The following KDM5B variants were observed in gnomAD, a reference collection of about 807,000 sequenced individuals.
KDM5B encodes lysine demethylase 5B, also known as lysine-specific demethylase 5B.
A neutral mutation model predicts 193.4 loss-of-function variants in KDM5B; 144 were observed. That is an observed-to-expected ratio of 0.74 (90% CI 0.65 to 0.86). The LOEUF is 0.86. Ranked by LOEUF, KDM5B falls within the 40% of genes least tolerant of loss-of-function variation. KDM5B has a pLI of 0.00. For missense variants in KDM5B, 1,833 were observed against 1,886.9 expected (o/e 0.97, Z 0.53); for synonymous variants, 668 against 682.6 (o/e 0.98, Z 0.33).
chr1:202,777,143 A>C, intron 1 of KDM5B, 49 bp from the exon 2 acceptor site: 1 of 1,411,734 alleles, frequency 7.1e-7, no homozygotes, highest in Non-Finnish European at 1.0e-6. Flanking sequence ...AGCATTTGAC[A>C]TTCAAAAATT....
chr1:202,742,303 A>G (rs1655375447), intron 18 of KDM5B, 88 bp downstream of exon 18: 4 of 877,922 alleles, frequency 4.6e-6, no homozygotes, highest in African/African-American at 1.7e-5. Context: ...ATTAATCATC[A>G]AAGAAGATTA....
At chr1:202,754,930 C>T (rs940240390) in intron 11 of KDM5B, among the ~76,000 whole-genome samples, 1 of 152,190 alleles carries the variant, frequency 6.6e-6, no homozygotes, top group Non-Finnish European at 1.5e-5. Flanking sequence ...GGTGATCCGC[C>T]CATCTTGGCC....
chr1:202,731,772 G>A (rs1286835552), intron 24 of KDM5B, 56 bp downstream of exon 24: 1 of 1,210,662 alleles, frequency 8.3e-7, no homozygotes, highest in African/African-American at 1.5e-5. Context: ...TAAAAACCTA[G>A]TAATACAAGA....
In KDM5B at chr1:202,733,849, T is replaced by G. The variant is rs1386663916; in HGVS notation, c.3461A>C (p.Glu1154Ala). 33 of 1,613,434 alleles carry G rather than the reference T, an allele frequency of 2.0e-5. No homozygotes were observed. Among genetic ancestry groups the G allele is most frequent in the Non-Finnish European group, 2.8e-5 (33 of 1,179,640 alleles). ...TLGEARLREMEALQSLRLANE... is the reference protein window; with the variant it reads ...TLGEARLREMAALQSLRLANE... ...GGCGAGTCTGAGAGACTGCAAGGCT[T>G]CCATTTCCCTTAGGCGAGCTTCCCC... Residue 1154 changes from glutamate to alanine, a missense_variant, in exon 23 of 27, where the codon GAA becomes GCA. Physicochemically the swap from Glu to Ala is moderately radical, Grantham distance 107 (BLOSUM62 -1). Transcript: ENST00000367265.
intron 2 of KDM5B, among the ~76,000 whole-genome samples, chr1:202,775,017 G>C (rs751205655): frequency 6.6e-6 from 1 of 151,738 alleles, no homozygotes; most frequent in Admixed American, 6.6e-5. Context: ...TGAGGCGAGC[G>C]AATCACAAGG....
At chr1:202,805,725 A>G (rs1216081359) in intron 1 of KDM5B, among the ~76,000 whole-genome samples, 2 of 152,218 alleles carry the variant, frequency 1.3e-5, no homozygotes, top group East Asian at 3.9e-4. Context: ...CCCAAAAACA[A>G]AACAGTTTCT....
chr1:202,777,224 G>T, intron 1 of KDM5B, 130 bp from the exon 2 acceptor site: 1 of 657,396 alleles, frequency 1.5e-6, no homozygotes, highest in Non-Finnish European at 2.6e-6. Flanking sequence ...ACACAGAGTA[G>T]TGGTTTCTCA....
intron 1 of KDM5B, among the ~76,000 whole-genome samples, chr1:202,789,666 G>A (rs1305474908): frequency 6.6e-6 from 1 of 150,816 alleles, no homozygotes; most frequent in Non-Finnish European, 1.5e-5. Flanking sequence ...GCACCATGGC[G>A]GGACCCTATA....
At position 202,774,612 on chromosome 1, in the gene KDM5B, C is replaced by G. The variant is rs1437011943; in HGVS notation, c.405+1G>C. 1.2e-6 allele frequency: 2 copies of G among 1,608,060 alleles called. No individual in the cohort carries two copies. Among genetic ancestry groups the G allele is most frequent in the African/African-American group, 2.7e-5 (2 of 74,736 alleles). ...AAGTAAGATGGTCATTAGCTCTTTA[C>G]CTTATTAAGCTGAAATAAGTCCAAG... On this transcript the variant is annotated splice_donor_variant, in intron 3 of 26. Transcript: ENST00000367265. LOFTEE classifies it high-confidence loss of function.
rs1395633386 is a variant in KDM5B at position 202,808,197 on chromosome 1, G to T, written c.109C>A (p.Pro37Thr). 2 of 1,613,112 alleles carry T rather than the reference G, an allele frequency of 1.2e-6. No individual in the cohort carries two copies. The highest frequency in any genetic ancestry group is 1.7e-5 in the Admixed American group (1 of 60,006). ...LPPPECPVFE[P>T]SWEEFADPFA... Reference sequence around the variant, plus strand: ...GGGTCCGCGAACTCTTCCCAGCTGGGTTCGAAGACCGGGCACTCGGGTGGA... The same window carrying T: ...GGGTCCGCGAACTCTTCCCAGCTGGTTTCGAAGACCGGGCACTCGGGTGGA... The change falls in exon 1 of 27, where the codon CCC becomes ACC. Residue 37 changes from proline to threonine, a missense_variant. Transcript: ENST00000367265.
Position 202,774,737 on chromosome 1 carries a change from TA to T in KDM5B, c.283-3del. ...ATTCAATTTTACACGAGTTTGGGCC[TA>T]AAAGACAAAGAATTGAGTTTTCATC... is the stretch of plus-strand genomic sequence containing the variant. On this transcript the variant is annotated splice_polypyrimidine_tract_variant and splice_region_variant and intron_variant, in intron 2 of 26. Coordinates refer to ENST00000367265, the MANE Select transcript of KDM5B (RefSeq NM_006618.5). 1 of 1,612,002 alleles carries T rather than the reference TA, an allele frequency of 6.2e-7. No individual in the cohort carries two copies. Among genetic ancestry groups the T allele is most frequent in the Non-Finnish European group, 8.5e-7 (1 of 1,178,822 alleles).
intron 12 of KDM5B, among the ~76,000 whole-genome samples, chr1:202,751,367 A>G (rs549783692): frequency 8.5e-5 from 13 of 152,182 alleles, no homozygotes; most frequent in Non-Finnish European, 1.8e-4. Context: ...CAAAAGCATC[A>G]ACATCCACTA....
chr1:202,776,278 C>T (rs1466799580), intron 2 of KDM5B: 2 of 151,972 alleles, frequency 1.3e-5, no homozygotes, highest in Non-Finnish European at 2.9e-5. Flanking sequence ...TTAATTCAGC[C>T]CCTACCACGT....
At position 202,760,445 on chromosome 1, in the gene KDM5B, T is replaced by A; in HGVS notation, c.1047A>T (p.Gly349=). The change falls in exon 8 of 27, where the codon GGA becomes GGT. Residue 349 remains glycine (G), a synonymous_variant. Coordinates refer to ENST00000367265, the MANE Select transcript of KDM5B (RefSeq NM_006618.5). ...LIPPLHDVPK[G]DWRCPKCLAQ... is the part of the protein sequence containing the mutation. ...CCAAACACTTAGGACACCTCCAGTC[T>A]CCCTTGGGAACATCATGGAGAGGTG... 6.2e-7 allele frequency: 1 copy of A among 1,608,840 alleles called. No individual in the cohort carries two copies. Among genetic ancestry groups the A allele is most frequent in the Non-Finnish European group, 8.5e-7 (1 of 1,177,716 alleles).
Position 202,808,358 on chromosome 1 carries a change from C to T in KDM5B, c.-53G>A. The T allele has an allele frequency of 1.4e-6, 2 of 1,473,256 alleles. No individual in the cohort carries two copies. The highest frequency in any genetic ancestry group is 1.8e-6 in the Non-Finnish European group (2 of 1,108,908). The allele number at this position is 1,473,256 out of a possible 1,614,324, so 91.3% of individuals were successfully genotyped here. A position where few individuals can be genotyped will look rare whatever the true frequency, so the allele number is the denominator to read the frequency against. ...AAGGTGGGCTCCGGGACCGAGGCTG[C>T]GAGCTCCGCTCGGTCCGAGACCCGT... On this transcript the variant is annotated 5_prime_UTR_variant, in exon 1 of 27. Coordinates refer to ENST00000367265, the MANE Select transcript of KDM5B (RefSeq NM_006618.5).
At chr1:202,752,600 G>C (rs1407675195) in intron 12 of KDM5B, among the ~76,000 whole-genome samples, 2 of 152,166 alleles carry the variant, frequency 1.3e-5, no homozygotes, top group African/African-American at 4.8e-5. Flanking sequence ...TAAAATACAA[G>C]CTCAAGACCT....
At chr1:202,800,661 G>C (rs182204938) in intron 1 of KDM5B, among the ~76,000 whole-genome samples, 20 of 152,238 alleles carry the variant, frequency 1.3e-4, no homozygotes, top group Admixed American at 1.3e-3. Context: ...TCTGTTTCTT[G>C]GTTACTACTG....
At chr1:202,784,819 A>G (rs2102318482) in intron 1 of KDM5B, among the ~76,000 whole-genome samples, 1 of 152,320 alleles carries the variant, frequency 6.6e-6, no homozygotes, top group East Asian at 1.9e-4. Flanking sequence ...ACAGGCCTTG[A>G]GGCCAGGAGT....
chr1:202,729,981 C>G lies in KDM5B; in HGVS notation c.4223G>C (p.Arg1408Thr). Residue 1408 changes from arginine to threonine, a missense_variant, in exon 26 of 27, where the codon AGA (arginine) becomes ACA (threonine). Transcript: ENST00000367265. Reference protein sequence around the residue: ...GKRDGINSLERKLKRRLEREG... With the variant: ...GKRDGINSLETKLKRRLEREG... ...TCTTTCCAGGCGTCTCTTCAGTTTT[C>G]TCTCAAGACTGTTAATTCCATCTCG... is the stretch of plus-strand genomic sequence containing the variant. The G allele has an allele frequency of 6.2e-7, 1 of 1,613,616 alleles. No homozygotes were observed. Among genetic ancestry groups the G allele is most frequent in the Non-Finnish European group, 8.5e-7 (1 of 1,179,892 alleles).
Sources: gnomAD v4.1 joint callset for allele counts (sites outside exome capture counted in the v4.1 genomes callset) on GRCh38, gnomAD v4.1.1 for gene constraint, MANE v1.5 for transcripts, NCBI Gene and HGNC (gene_info 2026-07-23, HGNC 2026-07-21) for gene names.